LMX1A: variants seen among roughly 807,000 people sequenced by gnomAD.
LMX1A encodes LIM homeobox transcription factor 1 alpha, also known as LIM homeobox transcription factor 1-alpha.
Under a neutral mutation model 49.1 loss-of-function variants are expected in LMX1A, and 15 were observed. The observed-to-expected ratio is 0.31, with a 90% CI of 0.20 to 0.47. The LOEUF is 0.47. Ranked by LOEUF, LMX1A falls within the 20% of genes least tolerant of loss-of-function variation. LMX1A has a pLI of 1.00. For missense variants in LMX1A, 372 were observed against 475.8 expected, an observed-to-expected ratio of 0.78 and a Z score of 2.03; for synonymous variants, 167 against 185.7, an observed-to-expected ratio of 0.90 and a Z score of 0.82.
At chr1:165,251,631 C>T (rs1341119287) in intron 3 of LMX1A, among the ~76,000 whole-genome samples, 1 of 152,086 alleles carries the variant, frequency 6.6e-6, no homozygotes, top group Non-Finnish European at 1.5e-5. Flanking sequence ...TGCCAAGACT[C>T]CAGTATACAA....
In LMX1A at chr1:165,224,997, C is replaced by T. The variant is rs556744153; in HGVS notation, c.497-11184G>A. ...AGAGCAGGTCATGAAAAAGAGAAAC[C>T]CCAAATTATGCTAATTAGGGATGGA... On this transcript the variant is annotated intron_variant, in intron 4 of 8. Coordinates refer to ENST00000342310, the MANE Select transcript of LMX1A (RefSeq NM_177398.4). Among the ~76,000 whole-genome samples, 5 of 152,194 alleles carry T rather than the reference C, an allele frequency of 3.3e-5. No homozygotes were observed. The East Asian group carries it at 9.6e-4, about 29-fold the overall frequency.
intron 3 of LMX1A, among the ~76,000 whole-genome samples, chr1:165,282,694 T>A (rs1184456853): frequency 1.3e-5 from 2 of 152,122 alleles, no homozygotes; most frequent in African/African-American, 4.8e-5. Flanking sequence ...TAGTAGGGTC[T>A]CCATCTACCT....
At chr1:165,314,712 C>T (rs1655171964) in intron 3 of LMX1A, among the ~76,000 whole-genome samples, 1 of 152,136 alleles carries the variant, frequency 6.6e-6, no homozygotes, top group Non-Finnish European at 1.5e-5. Flanking sequence ...AGGGTCTCCA[C>T]ATCCACAAGA....
intron 3 of LMX1A, among the ~76,000 whole-genome samples, chr1:165,281,305 C>A (rs1049327888): frequency 1.3e-5 from 2 of 152,216 alleles, no homozygotes; most frequent in Non-Finnish European, 2.9e-5. Flanking sequence ...AAATCCTGGT[C>A]TCCCACTGAA....
chr1:165,335,920 T>C (rs1049859769), intron 3 of LMX1A, among the ~76,000 whole-genome samples: 2 of 151,706 alleles, frequency 1.3e-5, no homozygotes, highest in Non-Finnish European at 2.9e-5. Context: ...ATGCTGAGGT[T>C]TAAAGGTAAT....
intron 3 of LMX1A, among the ~76,000 whole-genome samples, chr1:165,350,103 T>C (rs1381986556): frequency 7.0e-6 from 1 of 143,218 alleles, no homozygotes; most frequent in Non-Finnish European, 1.5e-5. Flanking sequence ...AACATTGTCC[T>C]ACCACTTAAC....
intron 4 of LMX1A, among the ~76,000 whole-genome samples, chr1:165,219,436 G>T (rs1210742237): frequency 1.3e-5 from 2 of 152,056 alleles, no homozygotes; most frequent in African/African-American, 4.8e-5. Flanking sequence ...TCTGGGATTT[G>T]TTGTGAGTGG....
At chr1:165,226,249 G>A (rs373960145) in intron 4 of LMX1A, among the ~76,000 whole-genome samples, 3 of 152,166 alleles carry the variant, frequency 2.0e-5, no homozygotes, top group Non-Finnish European at 4.4e-5. Context: ...AGCAGGCAGC[G>A]AGCCCCTGAA....
At chr1:165,222,416 CTT>C (rs1366272660) in intron 4 of LMX1A, among the ~76,000 whole-genome samples, 1 of 152,166 alleles carries the variant, frequency 6.6e-6, no homozygotes, top group East Asian at 1.9e-4. Context: ...TGGGAAGTAA[CTT>C]AAGTGGATCG....
chr1:165,328,062 C>T (rs2101749831), intron 3 of LMX1A, among the ~76,000 whole-genome samples: 1 of 152,330 alleles, frequency 6.6e-6, no homozygotes, highest in East Asian at 1.9e-4. Flanking sequence ...AGAACAATGT[C>T]AGTGGAAGGA....
intron 3 of LMX1A, among the ~76,000 whole-genome samples, chr1:165,319,925 T>C (rs1318456652): frequency 6.6e-6 from 1 of 152,234 alleles, no homozygotes; most frequent in Non-Finnish European, 1.5e-5. Flanking sequence ...TACAACATGG[T>C]AACTCTCAAT....
Position 165,353,249 on chromosome 1 carries a change from G to A in LMX1A, c.90C>T (p.Ser30=), listed in dbSNP as rs1210666075. Residue 30 remains serine, a synonymous_variant, in exon 3 of 9, where the codon AGC becomes AGT. Transcript: ENST00000342310. ...SFSSLLGRAV[S]PKSVCEGCQR... ...GACAGCCCTCGCAGACAGACTTGGG[G>A]CTCACCGCTCTGCCTGTAGCCACAA... 3.7e-6 allele frequency: 6 copies of A among 1,611,556 alleles called. No individual in the cohort carries two copies. Among genetic ancestry groups the A allele is most frequent in the Non-Finnish European group, 5.1e-6 (6 of 1,179,896 alleles).
At chr1:165,236,875 A>G (rs1206861813) in intron 4 of LMX1A, among the ~76,000 whole-genome samples, 2 of 149,682 alleles carry the variant, frequency 1.3e-5, no homozygotes, top group East Asian at 3.9e-4. Flanking sequence ...TTTAGTACAT[A>G]AGTAGAACAA....
chr1:165,265,218 A>G (rs1274066907), intron 3 of LMX1A, among the ~76,000 whole-genome samples: 1 of 151,188 alleles, frequency 6.6e-6, no homozygotes, highest in East Asian at 1.9e-4. Context: ...AAAAAAAAAA[A>G]GAAAAAATGG....
intron 4 of LMX1A, chr1:165,218,836 C>G (rs1158695694): frequency 1.3e-5 from 2 of 152,080 alleles, no homozygotes; most frequent in African/African-American, 4.8e-5. Flanking sequence ...CAGATGCAGG[C>G]TGGAGCGATC....
chr1:165,316,784 A>G (rs1655241287), intron 3 of LMX1A, among the ~76,000 whole-genome samples: 1 of 152,110 alleles, frequency 6.6e-6, no homozygotes, highest in East Asian at 1.9e-4. Context: ...ATGGCAGATG[A>G]GGAGGAGTTG....
intron 3 of LMX1A, among the ~76,000 whole-genome samples, chr1:165,314,544 C>A (rs1048742778): frequency 1.2e-4 from 19 of 152,102 alleles, no homozygotes; most frequent in Non-Finnish European, 2.5e-4. Flanking sequence ...TTAGCTTTGT[C>A]TTTCTTCATT....
intron 4 of LMX1A, among the ~76,000 whole-genome samples, chr1:165,214,028 C>T (rs1426596158): frequency 6.6e-6 from 1 of 152,198 alleles, no homozygotes; most frequent in African/African-American, 2.4e-5. Flanking sequence ...CACCATTACA[C>T]TTCAGGCTTT....
At chr1:165,288,037 C>T (rs1204492875) in intron 3 of LMX1A, among the ~76,000 whole-genome samples, 1 of 152,310 alleles carries the variant, frequency 6.6e-6, no homozygotes, top group East Asian at 1.9e-4. Context: ...TAAACAAATC[C>T]AGATGAGGGG....
Sources: allele counts gnomAD v4.1 joint callset (sites outside exome capture counted in the v4.1 genomes callset), GRCh38; gene constraint gnomAD v4.1.1; transcripts MANE v1.5; gene names NCBI Gene and HGNC (gene_info 2026-07-23, HGNC 2026-07-21).